ST6GALNAC3: variants seen among roughly 807,000 people sequenced by gnomAD.
The protein encoded by ST6GALNAC3 is alpha-N-acetylgalactosaminide alpha-2,6-sialyltransferase 3.
A neutral mutation model predicts 32.7 loss-of-function variants in ST6GALNAC3; 25 were observed. The observed-to-expected ratio is 0.76, with a 90% CI of 0.56 to 1.07. The LOEUF is 1.07. ST6GALNAC3 is among the 50% of genes least tolerant of loss of function. The pLI is 0.00. For missense variants in ST6GALNAC3, 355 were observed against 382.4 expected, an observed-to-expected ratio of 0.93 and a Z score of 0.60; for synonymous variants, 129 against 133.1, an observed-to-expected ratio of 0.97 and a Z score of 0.21.
chr1:76,324,481 T>C (rs911036320), intron 2 of ST6GALNAC3, among the ~76,000 whole-genome samples: 23 of 152,188 alleles, frequency 1.5e-4, no homozygotes, highest in Admixed American at 1.3e-3. Context: ...ACTTTACCAC[T>C]GAGGCCATCT....
chr1:76,356,434 T>TA (rs3079481), intron 2 of ST6GALNAC3, among the ~76,000 whole-genome samples: 25,840 of 120,342 alleles, frequency 0.21, 3,402 homozygotes, highest in Non-Finnish European at 0.28. Context: ...ACAGTAGGGT[T>TA]AAAAAAAAAA....
chr1:76,301,828 A>G (rs1433182418), intron 1 of ST6GALNAC3, among the ~76,000 whole-genome samples: 1 of 149,566 alleles, frequency 6.7e-6, no homozygotes, highest in Non-Finnish European at 1.5e-5. Flanking sequence ...ACCAAGTTCA[A>G]AAAAAGAAGT....
In ST6GALNAC3 at chr1:76,290,913, T is replaced by C. The variant is rs1170693409; in HGVS notation, c.19-22892T>C. Among the ~76,000 whole-genome samples, 3 of 152,306 alleles carry C rather than the reference T, an allele frequency of 2.0e-5. No homozygotes were observed. The East Asian group carries it at 5.8e-4, about 29-fold the overall frequency. ...GGAGGGGATCCACACATACCTGTCC[T>C]GACCTATTTACCGAGCGAGCTGTTG... On this transcript the variant is annotated intron_variant, in intron 1 of 4. Transcript: ENST00000328299.
intron 1 of ST6GALNAC3, among the ~76,000 whole-genome samples, chr1:76,292,265 T>G (rs1011767899): frequency 6.6e-5 from 10 of 151,900 alleles, no homozygotes; most frequent in Non-Finnish European, 1.5e-4. Context: ...ATTATTATAT[T>G]AGAAATGGTA....
At chr1:76,338,158 G>A (rs1647660063) in intron 2 of ST6GALNAC3, among the ~76,000 whole-genome samples, 1 of 152,172 alleles carries the variant, frequency 6.6e-6, no homozygotes, top group Non-Finnish European at 1.5e-5. Flanking sequence ...AAAGCATAGG[G>A]AAAGTATTAC....
At chr1:76,101,575 G>A (rs765635398) in intron 1 of ST6GALNAC3, among the ~76,000 whole-genome samples, 3 of 152,052 alleles carry the variant, frequency 2.0e-5, no homozygotes, top group Admixed American at 6.6e-5. Context: ...CTTCAGTCAC[G>A]TCTGCTCTTT....
At chr1:76,532,147 C>T (rs1447988178) in intron 3 of ST6GALNAC3, among the ~76,000 whole-genome samples, 1 of 152,122 alleles carries the variant, frequency 6.6e-6, no homozygotes, top group African/African-American at 2.4e-5. Context: ...ATTGTTGGTG[C>T]TCTGGTGAGA....
chr1:76,202,092 G>A (rs1654551183), intron 1 of ST6GALNAC3, among the ~76,000 whole-genome samples: 1 of 152,082 alleles, frequency 6.6e-6, no homozygotes, highest in Non-Finnish European at 1.5e-5. Flanking sequence ...GGCAAATCAG[G>A]TGTATTTTCT....
At chr1:76,254,119 A>G (rs143812896) in intron 1 of ST6GALNAC3, among the ~76,000 whole-genome samples, 1 of 152,258 alleles carries the variant, frequency 6.6e-6, no homozygotes, top group African/African-American at 2.4e-5. Context: ...TGAATTATAA[A>G]AATGGTTCTG....
chr1:76,327,992 T>G (rs1191135899), intron 2 of ST6GALNAC3, among the ~76,000 whole-genome samples: 2 of 152,224 alleles, frequency 1.3e-5, no homozygotes, highest in Non-Finnish European at 2.9e-5. Flanking sequence ...TTGTTGAATT[T>G]GAATATTTCT....
rs79712543 is a variant in ST6GALNAC3 at position 76,138,273 on chromosome 1, C to T, written c.18+63389C>T. ...GGAGACATCTGGTCCTTTACAAAGA[C>T]AGGGTCACTGAACCCTTAGTGCTTT... is the stretch of plus-strand genomic sequence containing the variant. On this transcript the variant is annotated intron_variant, in intron 1 of 4. Transcript: ENST00000328299. Among the ~76,000 whole-genome samples, 1,466 of 152,236 alleles carry T rather than the reference C, an allele frequency of 9.6e-3. 22 individuals are homozygous for T. Among genetic ancestry groups the T allele is most frequent in the African/African-American group, 0.034 (1,413 of 41,532 alleles).
intron 1 of ST6GALNAC3, among the ~76,000 whole-genome samples, chr1:76,120,899 A>G (rs2783662): frequency 1.3e-5 from 2 of 152,074 alleles, no homozygotes. Context: ...CTGGGCTGCA[A>G]TGCTTCTGGA....
intron 1 of ST6GALNAC3, among the ~76,000 whole-genome samples, chr1:76,283,238 A>G (rs1659598775): frequency 6.6e-6 from 1 of 152,166 alleles, no homozygotes; most frequent in African/African-American, 2.4e-5. Flanking sequence ...GTTACAGAGT[A>G]TAGAAAATTG....
intron 3 of ST6GALNAC3, among the ~76,000 whole-genome samples, chr1:76,587,151 G>A (rs1267633212): frequency 6.6e-6 from 1 of 152,180 alleles, no homozygotes; most frequent in Non-Finnish European, 1.5e-5. Context: ...GTCCTGATGG[G>A]TAGTACAGAA....
At chr1:76,216,441 G>T (rs961296154) in intron 1 of ST6GALNAC3, among the ~76,000 whole-genome samples, 1 of 152,232 alleles carries the variant, frequency 6.6e-6, no homozygotes, top group African/African-American at 2.4e-5. Flanking sequence ...ATTTGTTGTT[G>T]AATAGATCTC....
chr1:76,382,864 A>G (rs1651818507), intron 2 of ST6GALNAC3, among the ~76,000 whole-genome samples: 1 of 152,194 alleles, frequency 6.6e-6, no homozygotes, highest in Admixed American at 6.5e-5. Context: ...ATTGGCTAAG[A>G]ATCTTTCAAA....
intron 1 of ST6GALNAC3, among the ~76,000 whole-genome samples, chr1:76,104,489 C>G (rs1222497796): frequency 6.6e-6 from 1 of 152,114 alleles, no homozygotes; most frequent in Non-Finnish European, 1.5e-5. Flanking sequence ...CCATCCTTAG[C>G]AGGACTTAAA....
intron 1 of ST6GALNAC3, among the ~76,000 whole-genome samples, chr1:76,162,156 C>T (rs1303188901): frequency 6.6e-6 from 1 of 152,210 alleles, no homozygotes; most frequent in Non-Finnish European, 1.5e-5. Context: ...GGGCATGTTA[C>T]TTAACCTCTG....
intron 1 of ST6GALNAC3, among the ~76,000 whole-genome samples, chr1:76,089,116 C>T (rs1196552037): frequency 1.3e-5 from 2 of 152,182 alleles, no homozygotes; most frequent in Non-Finnish European, 2.9e-5. Flanking sequence ...GCAAGCTCCA[C>T]CTCCCGGGTT....
Sources: allele counts gnomAD v4.1 joint callset (sites outside exome capture counted in the v4.1 genomes callset), GRCh38; gene constraint gnomAD v4.1.1; transcripts MANE v1.5; gene names NCBI Gene and HGNC (gene_info 2026-07-23, HGNC 2026-07-21).